FAM120B: variants seen among roughly 807,000 people sequenced by gnomAD.
FAM120B encodes constitutive coactivator of peroxisome proliferator-activated receptor gamma.
A neutral mutation model predicts 96.3 loss-of-function variants in FAM120B; 83 were observed. The ratio of observed to expected loss-of-function variants is 0.86; its 90% CI spans 0.72 to 1.03. The LOEUF (loss-of-function observed/expected upper bound fraction) is 1.03, where lower values mean the gene tolerates loss of function less well. FAM120B is among the 50% of genes least tolerant of loss of function. The pLI is 0.00. For synonymous variants in FAM120B, 407 were observed against 402.7 expected (o/e 1.01, Z -0.13); for missense variants, 1,027 against 1,121.2 (o/e 0.92, Z 1.20).
At chr6:170,339,349 CAG>C (rs950811226) in intron 4 of FAM120B, among the ~76,000 whole-genome samples, 26 of 151,874 alleles carry the variant, frequency 1.7e-4, no homozygotes, top group Non-Finnish European at 1.8e-4. Context: ...TAAGGGATGT[CAG>C]TGTTTTTGCC....
intron 4 of FAM120B, among the ~76,000 whole-genome samples, chr6:170,347,031 C>T (rs1026100691): frequency 6.6e-6 from 1 of 152,096 alleles, no homozygotes; most frequent in African/African-American, 2.4e-5. Flanking sequence ...ATACTTCAGC[C>T]ATTTTGGAAA....
chr6:170,375,761 G>A (rs778682326), intron 6 of FAM120B, among the ~76,000 whole-genome samples: 1 of 152,142 alleles, frequency 6.6e-6, no homozygotes, highest in Non-Finnish European at 1.5e-5. Context: ...CATAGGAGAC[G>A]CACAGGGCAC....
chr6:170,339,510 C>T (rs1323411743), intron 4 of FAM120B, among the ~76,000 whole-genome samples: 1 of 151,660 alleles, frequency 6.6e-6, no homozygotes, highest in Non-Finnish European at 1.5e-5. Context: ...ATGTCGGGGC[C>T]AGGCGGGGTG....
At chr6:170,309,469 T>G (rs914382904) in intron 1 of FAM120B, among the ~76,000 whole-genome samples, 1 of 152,238 alleles carries the variant, frequency 6.6e-6, no homozygotes, top group African/African-American at 2.4e-5. Context: ...GTTTTGCTTA[T>G]AAACAAATAT....
At chr6:170,386,340 A>C (rs1365868398) in intron 6 of FAM120B, among the ~76,000 whole-genome samples, 1 of 152,132 alleles carries the variant, frequency 6.6e-6, no homozygotes, top group Non-Finnish European at 1.5e-5. Context: ...CCTGTTACTA[A>C]ATTGATGAAG....
chr6:170,318,453 A>G lies in FAM120B; in HGVS notation c.1063A>G (p.Met355Val), dbSNP rs991861550. The change falls in exon 2 of 11, where the codon ATG (methionine) becomes GTG (valine). Residue 355 changes from methionine (M) to valine (V), a missense_variant. Met to Val is a conservative substitution (Grantham distance 21). Coordinates refer to ENST00000476287, the MANE Select transcript of FAM120B (RefSeq NM_032448.3). ...SDAESRQEVP[M>V]CTGPESRREV... is the part of the protein sequence containing the mutation. ...TGCTGAATCCAGGCAAGAAGTTCCCATGTGTACAGGCCCTGAATCCAGGCG... is the reference window on the plus strand; with the variant it reads ...TGCTGAATCCAGGCAAGAAGTTCCCGTGTGTACAGGCCCTGAATCCAGGCG... 38 of 1,605,948 alleles carry G rather than the reference A, an allele frequency of 2.4e-5. No homozygotes were observed. The highest frequency in any genetic ancestry group is 9.4e-5 in the African/African-American group (7 of 74,412).
intron 1 of FAM120B, among the ~76,000 whole-genome samples, chr6:170,314,113 A>G (rs1784757052): frequency 2.0e-5 from 3 of 152,212 alleles, no homozygotes; most frequent in Non-Finnish European, 4.4e-5. Context: ...TGGTAACTCA[A>G]TACCCTGGGA....
At chr6:170,389,732 G>A (rs1790383560) in intron 7 of FAM120B, among the ~76,000 whole-genome samples, 2 of 151,920 alleles carry the variant, frequency 1.3e-5, no homozygotes, top group Admixed American at 6.6e-5. Context: ...GCTAATTTTT[G>A]TATTTTCTGT....
intron 1 of FAM120B, among the ~76,000 whole-genome samples, chr6:170,312,485 G>A (rs1784647528): frequency 6.6e-6 from 1 of 152,106 alleles, no homozygotes; most frequent in Non-Finnish European, 1.5e-5. Context: ...CAATTTCACT[G>A]TTACTAAGTG....
intron 1 of FAM120B, among the ~76,000 whole-genome samples, chr6:170,308,214 C>T (rs545566529): frequency 6.6e-6 from 1 of 152,172 alleles, no homozygotes; most frequent in Non-Finnish European, 1.5e-5. Flanking sequence ...TTTCCCCTGA[C>T]TTTGCCATTC....
Position 170,348,281 on chromosome 6 carries a change from A to C in FAM120B, c.2148A>C (p.Pro716=). ...AAGAGCTGCAGGCTGTCGAAAGCCC[A>C]TTTCAAGCTTTGTGCTGCCTCTTGA... ...SREELQAVES[P]FQALCCLLIY... Residue 716 remains proline, a synonymous_variant, in exon 5 of 11, where the codon CCA becomes CCC. Coordinates refer to ENST00000476287, the MANE Select transcript of FAM120B (RefSeq NM_032448.3). The C allele has an allele frequency of 6.2e-7, 1 of 1,613,744 alleles. No homozygotes were observed.
chr6:170,312,763 T>C (rs976193705), intron 1 of FAM120B, among the ~76,000 whole-genome samples: 1 of 152,182 alleles, frequency 6.6e-6, no homozygotes, highest in Non-Finnish European at 1.5e-5. Flanking sequence ...TACTCAAGAC[T>C]ATTGCAGTGA....
intron 6 of FAM120B, among the ~76,000 whole-genome samples, chr6:170,374,564 T>TA (rs1281898474): frequency 1.3e-5 from 2 of 152,214 alleles, no homozygotes; most frequent in African/African-American, 4.8e-5. Context: ...CTGAAAAACT[T>TA]ACCCACACGT....
At chr6:170,324,322 G>T (rs57101181) in intron 3 of FAM120B, among the ~76,000 whole-genome samples, 66 of 152,260 alleles carry the variant, frequency 4.3e-4, no homozygotes, top group African/African-American at 1.5e-3. Flanking sequence ...CATACATACT[G>T]CAAGAGTTCA....
intron 1 of FAM120B, among the ~76,000 whole-genome samples, chr6:170,299,566 C>T (rs777817608): frequency 8.5e-5 from 13 of 152,236 alleles, no homozygotes; most frequent in Non-Finnish European, 1.8e-4. Flanking sequence ...TCAAGATTCT[C>T]CATCCTTTAC....
At chr6:170,290,737 C>G, upstream of FAM120B, 2 of 424,462 alleles carry the variant, frequency 4.7e-6, no homozygotes, top group South Asian at 2.3e-5. The surrounding 1 kb of genome is among the most constrained non-coding windows in gnomAD (Gnocchi z 4.7). Context: ...CGGGAGCACT[C>G]CGGGCTCCGA....
At chr6:170,330,614 T>C (rs1562534923) in intron 4 of FAM120B, 64 bp downstream of exon 4, 4 of 1,240,226 alleles carry the variant, frequency 3.2e-6, no homozygotes. Flanking sequence ...AGTCTAAGAA[T>C]GCATCAGTTA....
Position 170,406,465 on chromosome 6 carries a change from G to A in FAM120B, c.*1714G>A, listed in dbSNP as rs1410909180. 2.0e-5 allele frequency: 3 copies of A among 152,172 alleles called. No individual in the cohort carries two copies. Among genetic ancestry groups the A allele is most frequent in the Non-Finnish European group, 4.4e-5 (3 of 68,030 alleles). The allele number at this position is 152,172 out of a possible 1,614,324, so 9.4% of individuals were successfully genotyped here. On this transcript the variant is annotated 3_prime_UTR_variant, in exon 11 of 11. Transcript: ENST00000476287. ...CGGGCCAAAGGCACAGAGCTCCAAG[G>A]CATCATCTTTCCTTAAAATCCTGAG...
intron 3 of FAM120B, among the ~76,000 whole-genome samples, chr6:170,327,099 G>A (rs577726608): frequency 1.3e-5 from 2 of 151,340 alleles, no homozygotes; most frequent in African/African-American, 4.9e-5. Context: ...CAGGCTGGAG[G>A]GCAGTAGCAC....
Sources: gnomAD v4.1 joint callset for allele counts (sites outside exome capture counted in the v4.1 genomes callset) on GRCh38, gnomAD v4.1.1 for gene constraint, Gnocchi (gnomAD v3.1) non-coding constraint, MANE v1.5 for transcripts, NCBI Gene and HGNC (gene_info 2026-07-23, HGNC 2026-07-21) for gene names.